The following CASP6 variants were observed in gnomAD, a reference collection of about 807,000 sequenced individuals.
CASP6 encodes caspase-6.
A neutral mutation model predicts 31.8 loss-of-function variants in CASP6; 20 were observed. The ratio of observed to expected loss-of-function variants is 0.63; its 90% CI spans 0.44 to 0.91. CASP6 has a LOEUF of 0.91. Among genes scored for constraint, CASP6 ranks in the 40% least tolerant of loss-of-function variants. The pLI, the probability that CASP6 is intolerant of heterozygous loss-of-function variation, is 0.00. For missense variants in CASP6, 328 were observed against 361.1 expected, an observed-to-expected ratio of 0.91 and a Z score of 0.74; for synonymous variants, 130 against 127.8, an observed-to-expected ratio of 1.02 and a Z score of -0.12.
At chr4:109,682,635 C>A in the CASP6 span, 1 of 1,613,072 alleles carries the variant, frequency 6.2e-7, no homozygotes, top group South Asian at 1.1e-5. Context: ...ATCTTTGGTT[C>A]ACAGACTATT....
At chr4:109,687,210 T>C (rs1326083100), downstream of CASP6, among the ~76,000 whole-genome samples, 4 of 151,872 alleles carry the variant, frequency 2.6e-5, no homozygotes, top group Admixed American at 6.6e-5. Context: ...CCAAAAAATA[T>C]TAGGTGGGCA....
intron 1 of CASP6, among the ~76,000 whole-genome samples, chr4:109,702,202 C>T (rs1376616851): frequency 6.6e-6 from 1 of 152,228 alleles, no homozygotes; most frequent in Non-Finnish European, 1.5e-5. Context: ...ACAAGGCTAC[C>T]TATCTACCTC....
At chr4:109,709,392 C>G in the CASP6 span, among the ~76,000 whole-genome samples, 1 of 152,154 alleles carries the variant, frequency 6.6e-6, no homozygotes, top group African/African-American at 2.4e-5. Context: ...AAAATATTCC[C>G]ACAGCAAATC....
upstream of CASP6, among the ~76,000 whole-genome samples, chr4:109,705,656 GA>G (rs1028290322): frequency 6.6e-6 from 1 of 151,842 alleles, no homozygotes; most frequent in African/African-American, 2.4e-5. Flanking sequence ...CTAGAGACTA[GA>G]GGGGGAAAAA....
chr4:109,694,522 T>C lies in CASP6; in HGVS notation c.483+3A>G. On this transcript the variant is annotated splice_donor_region_variant and intron_variant, in intron 5 of 6. Coordinates refer to ENST00000265164, the MANE Select transcript of CASP6 (RefSeq NM_001226.4). ...ATTAAGATGATAATGTACTCAGTCT[T>C]ACCTGAATGATAAATATCTTGGGTT... 6.3e-7 allele frequency: 1 copy of C among 1,597,260 alleles called. No homozygotes were observed. The highest frequency in any genetic ancestry group is 1.1e-5 in the South Asian group (1 of 87,204).
chr4:109,671,177 T>A, the CASP6 span, among the ~76,000 whole-genome samples: 2 of 152,226 alleles, frequency 1.3e-5, no homozygotes, highest in Admixed American at 1.3e-4. Flanking sequence ...ACTTTGGAGT[T>A]TTTTTATGTC....
downstream of CASP6, chr4:109,687,379 TC>T (rs1298533267): frequency 3.2e-5 from 19 of 598,218 alleles, no homozygotes; most frequent in Middle Eastern, 2.6e-4. Flanking sequence ...TATATATATT[TC>T]AGCCATTTGC....
downstream of CASP6, chr4:109,685,336 A>C (rs950332145): frequency 1.3e-6 from 2 of 1,571,004 alleles, no homozygotes; most frequent in Admixed American, 3.3e-5. Context: ...GATGTGCAGC[A>C]ATACAACAAG....
chr4:109,668,851 C>T, the CASP6 span, among the ~76,000 whole-genome samples: 1 of 151,964 alleles, frequency 6.6e-6, no homozygotes, highest in Non-Finnish European at 1.5e-5. Flanking sequence ...TATACATTTA[C>T]AACTATTGCA....
chr4:109,665,364 C>T, the CASP6 span, among the ~76,000 whole-genome samples: 1 of 152,126 alleles, frequency 6.6e-6, no homozygotes, highest in Admixed American at 6.5e-5. Flanking sequence ...AAGAACCTAA[C>T]TCTTGCTTAT....
the CASP6 span, among the ~76,000 whole-genome samples, chr4:109,671,535 A>G: frequency 2.0e-5 from 3 of 151,846 alleles, no homozygotes; most frequent in African/African-American, 4.8e-5. Flanking sequence ...GGCATTCTTC[A>G]TTTCTGTTAC....
intron 1 of CASP6, among the ~76,000 whole-genome samples, chr4:109,702,534 C>T (rs1326497293): frequency 2.6e-5 from 4 of 151,384 alleles, no homozygotes; most frequent in Admixed American, 6.6e-5. Flanking sequence ...TTAGGCTGGT[C>T]GAGAACTCCC....
chr4:109,687,533 C>T (rs1729877146), downstream of CASP6: 2 of 1,612,210 alleles, frequency 1.2e-6, no homozygotes, highest in African/African-American at 1.3e-5. Flanking sequence ...ATCCCTGAAA[C>T]AGGCGCGTCA....
chr4:109,667,175 C>T, the CASP6 span, among the ~76,000 whole-genome samples: 15 of 151,946 alleles, frequency 9.9e-5, no homozygotes, highest in African/African-American at 3.4e-4. Flanking sequence ...TAGTTTCTTC[C>T]TTTGATGTTT....
chr4:109,669,974 A>G, the CASP6 span, among the ~76,000 whole-genome samples: 1 of 152,086 alleles, frequency 6.6e-6, no homozygotes, highest in Admixed American at 6.5e-5. Flanking sequence ...AGTTATTTCA[A>G]GTTGCTAGTC....
downstream of CASP6, chr4:109,684,498 C>T: frequency 1.2e-6 from 2 of 1,613,980 alleles, no homozygotes; most frequent in Non-Finnish European, 1.7e-6. Context: ...CTCCTGTGGG[C>T]TGGATTGGCA....
chr4:109,701,435 C>CT (rs577458377), intron 1 of CASP6, among the ~76,000 whole-genome samples: 236 of 146,036 alleles, frequency 1.6e-3, no homozygotes, highest in African/African-American at 3.6e-3. Flanking sequence ...CCTCTTTTCA[C>CT]TTTTTTTTTT....
At chr4:109,690,799 A>G (rs1258180703) in intron 6 of CASP6, 51 bp downstream of exon 6, 1 of 1,537,246 alleles carries the variant, frequency 6.5e-7, no homozygotes, top group South Asian at 1.3e-5. Flanking sequence ...TGAAACTTAC[A>G]GGACCTTAGC....
chr4:109,684,538 C>G (rs1729791697), downstream of CASP6: 1 of 1,613,092 alleles, frequency 6.2e-7, no homozygotes, highest in Admixed American at 1.7e-5. Flanking sequence ...GGGCACTGGC[C>G]TGGCTCACGT....
Sources: allele counts gnomAD v4.1 joint callset (sites outside exome capture counted in the v4.1 genomes callset), GRCh38; gene constraint gnomAD v4.1.1; transcripts MANE v1.5; gene names NCBI Gene and HGNC (gene_info 2026-07-23, HGNC 2026-07-21).